The following AK8 variants were observed in gnomAD, a reference collection of about 807,000 sequenced individuals.
AK8 encodes the protein adenylate kinase 8, also known as ATP-AMP transphosphorylase 8.
AK8 carries 44 observed loss-of-function variants against 54.6 expected under a neutral mutation model. The observed-to-expected ratio is 0.81, with a 90% CI of 0.63 to 1.04. The LOEUF is 1.04. Ranked by LOEUF, AK8 falls within the 50% of genes least tolerant of loss-of-function variation. AK8 has a pLI of 0.00. For missense variants in AK8, 555 were observed against 613.6 expected, an observed-to-expected ratio of 0.90 and a Z score of 1.01; for synonymous variants, 239 against 245.6, an observed-to-expected ratio of 0.97 and a Z score of 0.25.
At chr9:132,765,050 T>A (rs1324455928) in intron 11 of AK8, among the ~76,000 whole-genome samples, 2 of 151,802 alleles carry the variant, frequency 1.3e-5, no homozygotes, top group Non-Finnish European at 2.9e-5. Flanking sequence ...CCCAGCACTT[T>A]GGGAGGCCAA....
intron 5 of AK8, 109 bp downstream of exon 5, chr9:132,854,748 C>A (rs769179020): frequency 6.8e-5 from 85 of 1,242,800 alleles, no homozygotes; most frequent in Non-Finnish European, 9.6e-5. Flanking sequence ...CGTTTGCCTG[C>A]CTTACCTTCT....
At position 132,814,577 on chromosome 9, in the gene AK8, C is replaced by G. The variant is rs1316630839; in HGVS notation, c.979+61G>C. 7 of 1,518,284 alleles carry G rather than the reference C, an allele frequency of 4.6e-6. No individual in the cohort carries two copies. In the African/African-American group the frequency reaches 9.8e-5, roughly 21 times the overall value. 94.1% of individuals were successfully genotyped at this position (1,518,284 alleles called of 1,614,324 possible). Reference sequence around the variant, plus strand: ...GCCCCTGAATGTTCAGAGAGCCGCACAAAAAGAAAGTTCTCTCTGGAGCCT... The same window carrying G: ...GCCCCTGAATGTTCAGAGAGCCGCAGAAAAAGAAAGTTCTCTCTGGAGCCT... On this transcript the variant is annotated intron_variant, in intron 10 of 12. Transcript: ENST00000298545.
chr9:132,779,204 T>C (rs918245166), intron 11 of AK8, among the ~76,000 whole-genome samples: 12 of 152,266 alleles, frequency 7.9e-5, no homozygotes, highest in Admixed American at 2.6e-4. Flanking sequence ...CTCTTTGTAT[T>C]GAGCAGGAAT....
At chr9:132,752,262 T>C (rs1387982829) in intron 11 of AK8, among the ~76,000 whole-genome samples, 2 of 150,764 alleles carry the variant, frequency 1.3e-5, no homozygotes, top group Non-Finnish European at 3.0e-5. Context: ...TTTTTTTTTT[T>C]TTTTTTTGAG....
chr9:132,738,807 T>G (rs1334034858), intron 11 of AK8, among the ~76,000 whole-genome samples: 1 of 145,886 alleles, frequency 6.9e-6, no homozygotes, highest in Admixed American at 7.2e-5. Context: ...CAGGCTGGAG[T>G]GCAGTGGAGC....
At chr9:132,761,549 G>A (rs1419078914) in intron 11 of AK8, among the ~76,000 whole-genome samples, 7 of 151,956 alleles carry the variant, frequency 4.6e-5, no homozygotes, top group African/African-American at 9.7e-5. Flanking sequence ...AGCATGAGCC[G>A]CTGCACCTGG....
intron 11 of AK8, among the ~76,000 whole-genome samples, chr9:132,777,989 C>T (rs559541528): frequency 1.6e-4 from 25 of 152,304 alleles, no homozygotes; most frequent in African/African-American, 5.3e-4. Context: ...TCTCGAGGTG[C>T]GAAGGAGCGC....
chr9:132,794,972 G>A (rs953924591), intron 10 of AK8, among the ~76,000 whole-genome samples: 16 of 152,208 alleles, frequency 1.1e-4, no homozygotes, highest in Non-Finnish European at 2.4e-4. Context: ...AAAGGTGGTG[G>A]CTATTACTTT....
At chr9:132,841,324 G>A (rs559356980) in intron 5 of AK8, among the ~76,000 whole-genome samples, 31 of 152,248 alleles carry the variant, frequency 2.0e-4, no homozygotes, top group African/African-American at 7.2e-4. Flanking sequence ...TCACATTCCC[G>A]GTGCGTGAAG....
intron 11 of AK8, among the ~76,000 whole-genome samples, chr9:132,752,944 C>T (rs865910277): frequency 2.0e-5 from 3 of 152,178 alleles, no homozygotes; most frequent in Non-Finnish European, 2.9e-5. Context: ...TGTCTAACGT[C>T]GCCTCCTCCC....
intron 11 of AK8, among the ~76,000 whole-genome samples, chr9:132,760,319 T>C (rs962448009): frequency 1.3e-5 from 2 of 152,110 alleles, no homozygotes; most frequent in African/African-American, 4.8e-5. Flanking sequence ...GTAGCTGAGA[T>C]TACAGGCTCA....
rs537867272 is a variant in AK8, at chr9:132,824,142, C to T, written c.758-806G>A. ...CTGAACATCAAACCAGGTCACCTCC[C>T]GCTGGAGCTCAGAAACAGGGAGCTG... On this transcript the variant is annotated intron_variant, in intron 8 of 12. Coordinates refer to ENST00000298545, the MANE Select transcript of AK8 (RefSeq NM_152572.3). Among the ~76,000 whole-genome samples, 12 of 152,314 alleles carry T rather than the reference C, an allele frequency of 7.9e-5. No individual in the cohort carries two copies. In the South Asian group the frequency reaches 1.9e-3, roughly 24 times the overall value.
intron 7 of AK8, chr9:132,827,530 C>G (rs1841923618): frequency 4.7e-6 from 1 of 211,424 alleles, no homozygotes; most frequent in South Asian, 9.1e-5. Flanking sequence ...AGTCCCGTCT[C>G]CCCCCACCCT....
At chr9:132,785,712 TC>T (rs1226043204) in intron 11 of AK8, among the ~76,000 whole-genome samples, 1 of 151,188 alleles carries the variant, frequency 6.6e-6, no homozygotes, top group Non-Finnish European at 1.5e-5. Context: ...AGAAAAAATA[TC>T]AAACCCAATT....
At position 132,826,786 on chromosome 9, in the gene AK8, T is replaced by C; in HGVS notation, c.757+68A>G. The C allele has an allele frequency of 2.6e-6, 4 of 1,531,678 alleles. No individual in the cohort carries two copies. Among genetic ancestry groups the C allele is most frequent in the Non-Finnish European group, 3.6e-6 (4 of 1,108,256 alleles). The allele number at this position is 1,531,678 out of a possible 1,614,324, so 94.9% of individuals were successfully genotyped here. A position where few individuals can be genotyped will look rare whatever the true frequency, so the allele number is the denominator to read the frequency against. On this transcript the variant is annotated intron_variant, in intron 8 of 12. Transcript: ENST00000298545. This position sits in a 1 kb window ranked among gnomAD's most constrained non-coding sequence, Gnocchi z 4.5. Reference sequence around the variant, plus strand: ...GCCACTACCAGAATAAGGGACAAAGTGGTAGAAGGCACAGCGAGCCCCGCC... The same window carrying C: ...GCCACTACCAGAATAAGGGACAAAGCGGTAGAAGGCACAGCGAGCCCCGCC...
At chr9:132,823,816 G>A (rs1841759420) in intron 8 of AK8, among the ~76,000 whole-genome samples, 1 of 152,222 alleles carries the variant, frequency 6.6e-6, no homozygotes. Context: ...TCAGACACAG[G>A]CTTTGATAAA....
chr9:132,828,213 T>C (rs904141204), intron 6 of AK8, 129 bp from the exon 7 acceptor site: 7 of 767,098 alleles, frequency 9.1e-6, no homozygotes, highest in Admixed American at 2.6e-5. Flanking sequence ...ACAACAATCA[T>C]CTCCCATCCC....
At chr9:132,841,556 C>T (rs1842548265) in intron 5 of AK8, among the ~76,000 whole-genome samples, 3 of 152,286 alleles carry the variant, frequency 2.0e-5, no homozygotes, top group Admixed American at 6.5e-5. Context: ...ACAAACCTGC[C>T]GAGTCCAGCT....
At chr9:132,780,915 G>C (rs572425932) in intron 11 of AK8, among the ~76,000 whole-genome samples, 1 of 152,040 alleles carries the variant, frequency 6.6e-6, no homozygotes, top group Non-Finnish European at 1.5e-5. Context: ...GGAGGGTTAA[G>C]GTCACAGCTT....
Sources: gnomAD v4.1 joint callset for allele counts (sites outside exome capture counted in the v4.1 genomes callset) on GRCh38, gnomAD v4.1.1 for gene constraint, Gnocchi (gnomAD v3.1) non-coding constraint, MANE v1.5 for transcripts, NCBI Gene and HGNC (gene_info 2026-07-23, HGNC 2026-07-21) for gene names.